The following WDHD1 variants were observed in gnomAD, a reference collection of about 807,000 sequenced individuals.
WDHD1 encodes WD repeat and HMG-box DNA binding protein 1, also known as WD repeat and HMG-box DNA-binding protein 1.
A neutral mutation model predicts 135.4 loss-of-function variants in WDHD1; 111 were observed. The observed-to-expected ratio is 0.82, with a 90% CI of 0.70 to 0.96. The LOEUF is 0.96. Ranked by LOEUF, WDHD1 falls within the 40% of genes least tolerant of loss-of-function variation. The pLI is 0.00. For missense variants in WDHD1, 1,351 were observed against 1,336.3 expected, an observed-to-expected ratio of 1.01 and a Z score of -0.17; for synonymous variants, 434 against 439.0, an observed-to-expected ratio of 0.99 and a Z score of 0.14.
intron 3 of WDHD1, among the ~76,000 whole-genome samples, chr14:55,012,086 A>G (rs987381770): frequency 3.3e-5 from 5 of 152,156 alleles, no homozygotes; most frequent in African/African-American, 1.2e-4. Flanking sequence ...TGGGATTAGC[A>G]ATATTTTTCA....
intron 16 of WDHD1, among the ~76,000 whole-genome samples, chr14:54,978,466 T>C (rs566851344): frequency 2.0e-5 from 3 of 152,064 alleles, no homozygotes; most frequent in African/African-American, 7.2e-5. Flanking sequence ...GTGCCTGTAG[T>C]TCTACCTACT....
chr14:55,000,424 AG>A, intron 10 of WDHD1, 78 bp downstream of exon 10: 2 of 1,369,408 alleles, frequency 1.5e-6, no homozygotes, highest in Admixed American at 5.1e-5. Flanking sequence ...CAAGAAAGTA[AG>A]GCAGTTTGTG....
chr14:54,997,572 T>C (rs1347409672), intron 10 of WDHD1, among the ~76,000 whole-genome samples: 1 of 152,158 alleles, frequency 6.6e-6, no homozygotes, highest in East Asian at 1.9e-4. Context: ...TCCTAAAAGT[T>C]TGTGTACTCA....
chr14:55,027,051 T>A lies in WDHD1; in HGVS notation c.-40A>T. The A allele has an allele frequency of 6.4e-6, 3 of 472,372 alleles. No individual in the cohort carries two copies. The East Asian group carries it at 1.1e-4, about 17-fold the overall frequency. The allele number at this position is 472,372 out of a possible 1,614,324, so 29.3% of individuals were successfully genotyped here. On this transcript the variant is annotated 5_prime_UTR_variant, in exon 1 of 26. Coordinates refer to ENST00000360586, the MANE Select transcript of WDHD1 (RefSeq NM_007086.4). ...ACCCGGGTGACCGAGCCTCCGCCAC[T>A]GAGGATCCACAAGAGCTGCTTCCCG...
At chr14:54,999,015 T>C (rs1369671668) in intron 10 of WDHD1, among the ~76,000 whole-genome samples, 1 of 152,218 alleles carries the variant, frequency 6.6e-6, no homozygotes, top group Non-Finnish European at 1.5e-5. Flanking sequence ...ATGATCACTG[T>C]TCCTTTCTTT....
At chr14:54,988,696 T>C (rs924085790) in intron 13 of WDHD1, among the ~76,000 whole-genome samples, 8 of 151,540 alleles carry the variant, frequency 5.3e-5, no homozygotes, top group African/African-American at 1.9e-4. Context: ...GTATACTGGT[T>C]TTTTTTCTTT....
rs899112891 is a variant in WDHD1 at position 54,948,280 on chromosome 14, G to A, written c.3051-3810C>T. The stretch of plus-strand genomic sequence containing the variant: ...TCACCTCACCCGGGAAGCGCAAGGG[G>A]TCAGAAAATTCCCTTTCCTAGCCAA... On this transcript the variant is annotated intron_variant, in intron 24 of 25. Transcript: ENST00000360586. Among the ~76,000 whole-genome samples, 14 of 152,262 alleles carry A rather than the reference G, an allele frequency of 9.2e-5. No homozygotes were observed. The South Asian group carries it at 2.7e-3, about 29-fold the overall frequency.
intron 11 of WDHD1, among the ~76,000 whole-genome samples, chr14:54,993,483 G>A (rs955248229): frequency 8.5e-5 from 13 of 152,280 alleles, no homozygotes; most frequent in African/African-American, 3.1e-4. Flanking sequence ...ATTACACTTT[G>A]CAAGTAATCT....
chr14:54,995,874 T>A, intron 10 of WDHD1, 61 bp from the exon 11 acceptor site: 1 of 1,350,018 alleles, frequency 7.4e-7, no homozygotes, highest in African/African-American at 1.5e-5. Context: ...ACTCAATTAC[T>A]AAAAAGGTAA....
chr14:54,995,898 A>C (rs2041871155), intron 10 of WDHD1, 85 bp from the exon 11 acceptor site: 7 of 1,066,866 alleles, frequency 6.6e-6, no homozygotes, highest in Non-Finnish European at 9.1e-6. Context: ...TTTAATATGC[A>C]CCTATAAATT....
At chr14:54,989,662 A>C (rs75181519) in intron 12 of WDHD1, among the ~76,000 whole-genome samples, 3 of 150,746 alleles carry the variant, frequency 2.0e-5, no homozygotes, top group African/African-American at 7.4e-5. Flanking sequence ...AAGAAAACAT[A>C]ATTTTTTTTT....
At position 54,957,123 on chromosome 14, in the gene WDHD1, A is replaced by G. The variant is rs780304215; in HGVS notation, c.2827T>C (p.Ser943Pro). 1.9e-5 allele frequency: 30 copies of G among 1,614,056 alleles called. No homozygotes were observed. Among genetic ancestry groups the G allele is most frequent in the Non-Finnish European group, 2.5e-5 (29 of 1,180,034 alleles). The change falls in exon 23 of 26, where the codon TCC becomes CCC. Residue 943 changes from serine (S) to proline (P), a missense_variant. Around this residue, in one of 2 missense-constraint regions of WDHD1, gnomAD observed 1,330 missense variants for 1,296.1 expected, o/e 1.03. Coordinates refer to ENST00000360586, the MANE Select transcript of WDHD1 (RefSeq NM_007086.4). The part of the protein sequence containing the change: ...TNILDNMGKS[S>P]KKSTALSRTT... ...CGACTAAGTGCAGTGGATTTCTTGG[A>G]TGATTTGCCCATATTGTCTAAAATA...
chr14:54,979,393 C>T (rs1484448831), intron 16 of WDHD1, among the ~76,000 whole-genome samples: 2 of 152,190 alleles, frequency 1.3e-5, no homozygotes, highest in African/African-American at 2.4e-5. Context: ...TGGCCTCCAG[C>T]ATTCCTCCCG....
chr14:54,977,002 C>T (rs1196475537), intron 16 of WDHD1, among the ~76,000 whole-genome samples: 1 of 151,944 alleles, frequency 6.6e-6, no homozygotes, highest in Non-Finnish European at 1.5e-5. Context: ...ACAAGCTGGT[C>T]TTTATAGGAG....
intron 13 of WDHD1, among the ~76,000 whole-genome samples, chr14:54,988,092 G>T (rs915409643): frequency 5.9e-5 from 9 of 152,126 alleles, no homozygotes; most frequent in Non-Finnish European, 1.3e-4. Flanking sequence ...TGCACCCATT[G>T]CTTTCCCATC....
At chr14:54,991,827 C>G (rs1054982116) in intron 11 of WDHD1, among the ~76,000 whole-genome samples, 1 of 151,874 alleles carries the variant, frequency 6.6e-6, no homozygotes, top group African/African-American at 2.4e-5. Context: ...ACTACTTTTA[C>G]TTAAAAAACA....
chr14:55,008,184 A>T, intron 6 of WDHD1, 132 bp downstream of exon 6: 2 of 812,794 alleles, frequency 2.5e-6, no homozygotes, highest in Non-Finnish European at 3.7e-6. Context: ...TTGATCACAA[A>T]AACAGTATTT....
intron 21 of WDHD1, among the ~76,000 whole-genome samples, chr14:54,960,968 AT>A (rs1405686150): frequency 6.6e-6 from 1 of 152,020 alleles, no homozygotes; most frequent in African/African-American, 2.4e-5. Context: ...CCTGGCTAAT[AT>A]TTTTATTATT....
Position 54,991,313 on chromosome 14 carries a change from A to T in WDHD1, c.1241T>A (p.Val414Glu), listed in dbSNP as rs1566730635. The change falls in exon 12 of 26, where the codon GTA becomes GAA. Residue 414 changes from valine (V) to glutamate (E), a missense_variant. This residue lies in a region of WDHD1 where 1,330 missense variants were observed against 1,296.1 expected (regional missense o/e 1.03). Transcript: ENST00000360586. The part of the protein sequence containing the change: ...QEGSIHNLPL[V>E]TSQRPFYDGP... ...ATCATAAAATGGCCTTTGGGATGTT[A>T]CAAGTGGTAGATTGTGAATGCTGCC... 6.2e-7 allele frequency: 1 copy of T among 1,614,124 alleles called. No individual in the cohort carries two copies.
Sources: gnomAD v4.1 joint callset for allele counts (sites outside exome capture counted in the v4.1 genomes callset) on GRCh38, gnomAD v4.1.1 for gene constraint, gnomAD v4.1.1 regional missense constraint, MANE v1.5 for transcripts, NCBI Gene and HGNC (gene_info 2026-07-23, HGNC 2026-07-21) for gene names.